Variants in GMDS observed in about 807,000 individuals in gnomAD.
GMDS encodes GDP-mannose 4,6 dehydratase.
In GMDS, 20 loss-of-function variants were observed where a neutral mutation model predicts 49.9. The observed-to-expected ratio is 0.40, with a 90% confidence interval of 0.28 to 0.58. The LOEUF (loss-of-function observed/expected upper bound fraction) is 0.58, where lower values mean the gene tolerates loss of function less well. Ranked by LOEUF, GMDS falls within the 20% of genes least tolerant of loss-of-function variation. The pLI is 0.42. For synonymous variants in GMDS, 177 were observed against 178.6 expected (o/e 0.99, Z 0.07); for missense variants, 362 against 481.4 (o/e 0.75, Z 2.32).
intron 7 of GMDS, among the ~76,000 whole-genome samples, chr6:1,808,101 A>C (rs1283953673): frequency 6.6e-6 from 1 of 152,202 alleles, no homozygotes; most frequent in Admixed American, 6.5e-5. Context: ...TCCCTGATTA[A>C]ACTGATAACT....
At chr6:1,674,560 CTTT>C (rs869292549) in intron 9 of GMDS, among the ~76,000 whole-genome samples, 25 of 73,446 alleles carry the variant, frequency 3.4e-4, no homozygotes, top group South Asian at 6.9e-4. Context: ...CTCTCTCTCT[CTTT>C]TTTTTTTTTT....
Position 1,631,418 on chromosome 6 carries a change from G to A in GMDS, c.988-6878C>T, listed in dbSNP as rs944736321. 5.3e-4 allele frequency among the ~76,000 whole-genome samples: 81 copies of A among 152,212 alleles called. No individual in the cohort carries two copies. In the Middle Eastern group the frequency reaches 0.014, roughly 26 times the overall value. ...CCTAGGCCACAGGGGATCCTGAATT[G>A]CATAAGAGGAAGGTAATTTTCCTTA... On this transcript the variant is annotated intron_variant, in intron 9 of 10. Coordinates refer to ENST00000380815, the MANE Select transcript of GMDS (RefSeq NM_001500.4).
chr6:1,894,714 G>A (rs1760062366), intron 7 of GMDS, among the ~76,000 whole-genome samples: 1 of 152,198 alleles, frequency 6.6e-6, no homozygotes, highest in Non-Finnish European at 1.5e-5. Context: ...AGAGAAATGG[G>A]ATGGTAATAC....
chr6:1,831,633 C>T lies in GMDS; in HGVS notation c.772-89047G>A, dbSNP rs370147306. Among the ~76,000 whole-genome samples the T allele has an allele frequency of 7.2e-5, 11 of 152,266 alleles. No individual in the cohort carries two copies. In the East Asian group the frequency reaches 1.9e-3, roughly 27 times the overall value. ...TATTCCAGCTTTCTGAGGATTCATC[C>T]GAACACACATATTCCTAACCTTTTT... On this transcript the variant is annotated intron_variant, in intron 7 of 10. Transcript: ENST00000380815.
At chr6:1,794,119 T>C (rs1769647968) in intron 7 of GMDS, among the ~76,000 whole-genome samples, 1 of 152,206 alleles carries the variant, frequency 6.6e-6, no homozygotes, top group Admixed American at 6.5e-5. Context: ...CTGAGGAGTT[T>C]ATCCTAACAT....
intron 4 of GMDS, among the ~76,000 whole-genome samples, chr6:2,057,424 T>C (rs751016114): frequency 1.3e-5 from 2 of 152,238 alleles, no homozygotes; most frequent in Non-Finnish European, 2.9e-5. Flanking sequence ...TATTTTTTAA[T>C]AGAACTTAAT....
At chr6:1,810,534 C>T (rs544712551) in intron 7 of GMDS, among the ~76,000 whole-genome samples, 7 of 152,114 alleles carry the variant, frequency 4.6e-5, no homozygotes, top group African/African-American at 1.7e-4. Context: ...CCACCTGCCT[C>T]GGCCTCCCAG....
rs562180516 is a variant in GMDS, at chr6:1,980,346, A to G, written c.346-19380T>C. Among the ~76,000 whole-genome samples the G allele has an allele frequency of 8.5e-5, 13 of 152,304 alleles. No homozygotes were observed. The South Asian group carries it at 2.5e-3, about 29-fold the overall frequency. The stretch of plus-strand genomic sequence containing the variant: ...TAGGCTCAAAATAAAGAAATGAAAG[A>G]AAAGTTACCAAGCAAATGGAAAACA... On this transcript the variant is annotated intron_variant, in intron 4 of 10. Coordinates refer to ENST00000380815, the MANE Select transcript of GMDS (RefSeq NM_001500.4).
chr6:1,914,534 C>T (rs1163620322), intron 7 of GMDS, among the ~76,000 whole-genome samples: 1 of 151,904 alleles, frequency 6.6e-6, no homozygotes, highest in African/African-American at 2.4e-5. Flanking sequence ...ATAACCTAGA[C>T]TCTGGCTTCT....
chr6:2,171,498 A>C (rs183843485), intron 1 of GMDS, among the ~76,000 whole-genome samples: 133 of 152,346 alleles, frequency 8.7e-4, no homozygotes, highest in Non-Finnish European at 1.6e-3. Flanking sequence ...CAATTAACTG[A>C]GTGGAGAAAA....
intron 1 of GMDS, among the ~76,000 whole-genome samples, chr6:2,187,061 T>G (rs1416153455): frequency 6.6e-6 from 1 of 152,226 alleles, no homozygotes; most frequent in African/African-American, 2.4e-5. Flanking sequence ...CTCTATATTG[T>G]GTATATTGTA....
intron 4 of GMDS, among the ~76,000 whole-genome samples, chr6:2,050,746 T>G (rs1343253273): frequency 6.6e-6 from 1 of 152,138 alleles, no homozygotes; most frequent in African/African-American, 2.4e-5. Flanking sequence ...ATAAACGTAA[T>G]CCATCACATA....
At chr6:1,729,316 C>G (rs933900686) in intron 8 of GMDS, among the ~76,000 whole-genome samples, 10 of 152,322 alleles carry the variant, frequency 6.6e-5, no homozygotes, top group Admixed American at 4.6e-4. Flanking sequence ...ACTCAACAGG[C>G]ACCAGCTCCC....
chr6:1,778,874 G>A lies in GMDS; in HGVS notation c.772-36288C>T, dbSNP rs536120912. Among the ~76,000 whole-genome samples the A allele has an allele frequency of 1.3e-4, 19 of 151,728 alleles. No individual in the cohort carries two copies. Among genetic ancestry groups the A allele is most frequent in the Admixed American group, 3.3e-4 (5 of 15,238 alleles). ...TTTTTTTCTCTTATAGCAGAAATAC[G>A]CCTGAAAATGTTTTTCCAACCCCAA... On this transcript the variant is annotated intron_variant, in intron 7 of 10. Transcript: ENST00000380815. The surrounding 1 kb of genome is among the most constrained non-coding windows in gnomAD (Gnocchi z 4.6).
intron 6 of GMDS, among the ~76,000 whole-genome samples, chr6:1,937,327 C>T (rs542532858): frequency 6.6e-6 from 1 of 152,352 alleles, no homozygotes; most frequent in Non-Finnish European, 1.5e-5. Context: ...AAAGCTTCAA[C>T]ATTCTGTTAC....
At chr6:2,194,652 GCA>G (rs1260256927) in intron 1 of GMDS, among the ~76,000 whole-genome samples, 2 of 152,096 alleles carry the variant, frequency 1.3e-5, no homozygotes, top group Non-Finnish European at 2.9e-5. Context: ...AGTGCTACAC[GCA>G]CACACTTTTT....
chr6:1,783,097 G>C (rs1045121471), intron 7 of GMDS, among the ~76,000 whole-genome samples: 1 of 152,240 alleles, frequency 6.6e-6, no homozygotes, highest in African/African-American at 2.4e-5. Context: ...CAAGGCTGTA[G>C]TGAGCAGAGA....
intron 1 of GMDS, among the ~76,000 whole-genome samples, chr6:2,145,089 G>A (rs1776484533): frequency 6.6e-6 from 1 of 152,188 alleles, no homozygotes; most frequent in Admixed American, 6.5e-5. Context: ...ACGCAGGCCT[G>A]GGCAAGAATC....
intron 7 of GMDS, among the ~76,000 whole-genome samples, chr6:1,817,500 T>C (rs1011996224): frequency 6.6e-6 from 1 of 152,242 alleles, no homozygotes; most frequent in African/African-American, 2.4e-5. Context: ...AGTGAAGTGA[T>C]ATAAATATCT....
Sources: allele counts gnomAD v4.1 joint callset (sites outside exome capture counted in the v4.1 genomes callset), GRCh38; gene constraint gnomAD v4.1.1; non-coding constraint Gnocchi (gnomAD v3.1); transcripts MANE v1.5; gene names NCBI Gene and HGNC (gene_info 2026-07-23, HGNC 2026-07-21).